The following GRM7 variants were observed in gnomAD, a reference collection of about 807,000 sequenced individuals.
The protein encoded by GRM7 is glutamate metabotropic receptor 7.
GRM7 carries 35 observed loss-of-function variants against 84.5 expected under a neutral mutation model. That is an observed-to-expected ratio of 0.41 (90% CI 0.32 to 0.55). GRM7 has a LOEUF of 0.55. GRM7 is among the 20% of genes least tolerant of loss of function. The probability of loss-of-function intolerance (pLI) is 0.19; values close to 1 mark genes in which losing one functional copy is unlikely to be tolerated. For missense variants in GRM7, 1,003 were observed against 1,194.6 expected, an observed-to-expected ratio of 0.84 and a Z score of 2.36; for synonymous variants, 487 against 455.1, an observed-to-expected ratio of 1.07 and a Z score of -0.89.
intron 1 of GRM7, among the ~76,000 whole-genome samples, chr3:6,944,576 C>G (rs1404702069): frequency 6.6e-6 from 1 of 151,960 alleles, no homozygotes; most frequent in Non-Finnish European, 1.5e-5. Flanking sequence ...ATTTGATTTC[C>G]TTAAATTTTG....
chr3:7,322,579 C>T (rs1281893122), intron 4 of GRM7, among the ~76,000 whole-genome samples: 1 of 151,728 alleles, frequency 6.6e-6, no homozygotes, highest in African/African-American at 2.4e-5. Flanking sequence ...ACCCCAGTCC[C>T]CAAAGTCCAT....
At chr3:7,632,389 C>T (rs1697896041) in intron 8 of GRM7, among the ~76,000 whole-genome samples, 1 of 151,998 alleles carries the variant, frequency 6.6e-6, no homozygotes. Context: ...CTTAGGGGAA[C>T]ACAAAAAGTA....
intron 4 of GRM7, among the ~76,000 whole-genome samples, chr3:7,310,755 A>G (rs572836201): frequency 6.6e-6 from 1 of 152,312 alleles, no homozygotes; most frequent in African/African-American, 2.4e-5. Context: ...AGCCCAAACT[A>G]CTTGAAAATA....
intron 1 of GRM7, among the ~76,000 whole-genome samples, chr3:7,077,569 T>A (rs1698133919): frequency 7.8e-5 from 2 of 25,520 alleles, no homozygotes; most frequent in Non-Finnish European, 1.4e-4. Context: ...CTGGGGCCTG[T>A]CGGGGGGTGG....
intron 1 of GRM7, among the ~76,000 whole-genome samples, chr3:7,042,583 T>C (rs1483868488): frequency 1.3e-5 from 2 of 152,272 alleles, no homozygotes; most frequent in East Asian, 3.9e-4. Flanking sequence ...AATGCACCAA[T>C]ATTCTCATCT....
intron 4 of GRM7, among the ~76,000 whole-genome samples, chr3:7,346,846 T>A (rs1418359021): frequency 6.6e-6 from 1 of 152,130 alleles, no homozygotes; most frequent in Non-Finnish European, 1.5e-5. Context: ...CTGAGTGAGC[T>A]CTGGCACCAA....
At chr3:7,570,453 C>A (rs1694592621) in intron 7 of GRM7, among the ~76,000 whole-genome samples, 1 of 152,132 alleles carries the variant, frequency 6.6e-6, no homozygotes, top group Admixed American at 6.5e-5. Context: ...AAAACGAGGG[C>A]CTCATGCAAG....
chr3:7,088,820 G>A lies in GRM7; in HGVS notation c.520-57632G>A, dbSNP rs115110465. Among the ~76,000 whole-genome samples the A allele has an allele frequency of 4.0e-3, 604 of 151,078 alleles. 2 individuals carry two copies. Among genetic ancestry groups the A allele is most frequent in the African/African-American group, 0.014 (568 of 40,830 alleles). Reference sequence around the variant, plus strand: ...ACTACTATGTGGAGGAACGCATAAAGCATGACACAGGAATTTGTAAGAAGA... The same window carrying A: ...ACTACTATGTGGAGGAACGCATAAAACATGACACAGGAATTTGTAAGAAGA... On this transcript the variant is annotated intron_variant, in intron 1 of 9. Transcript: ENST00000357716.
chr3:7,305,379 G>T (rs1435083567), intron 3 of GRM7, among the ~76,000 whole-genome samples: 4 of 40,622 alleles, frequency 9.8e-5, no homozygotes, highest in Admixed American at 2.1e-4. Context: ...TAAGTTTTAG[G>T]ATACATGTGC....
At chr3:7,344,471 A>G (rs780449271) in intron 4 of GRM7, among the ~76,000 whole-genome samples, 1 of 151,918 alleles carries the variant, frequency 6.6e-6, no homozygotes, top group Non-Finnish European at 1.5e-5. Context: ...TATGTACCAC[A>G]TTTTCTCTAT....
chr3:7,443,519 C>T (rs909287576), intron 5 of GRM7, among the ~76,000 whole-genome samples: 1 of 151,930 alleles, frequency 6.6e-6, no homozygotes, highest in Non-Finnish European at 1.5e-5. Flanking sequence ...TGTTTCCCTC[C>T]GTTCTTTTAC....
In GRM7 at chr3:7,741,423, A is replaced by AT. The variant is rs1382828178; in HGVS notation, c.*1020dup. ...CGTTAATCTTGCTGCTTATGTGCCA[A>AT]TTTAGTGGAAAAAAACAACCCTTGC... On this transcript the variant is annotated 3_prime_UTR_variant, in exon 10 of 10. Coordinates refer to ENST00000357716, the MANE Select transcript of GRM7 (RefSeq NM_000844.4). 6.6e-6 allele frequency: 1 copy of AT among 152,576 alleles called. No individual in the cohort carries two copies. The highest frequency in any genetic ancestry group is 1.5e-5 in the Non-Finnish European group (1 of 68,038). The allele number at this position is 152,576 out of a possible 1,614,324, so 9.5% of individuals were successfully genotyped here. A position where few individuals can be genotyped will look rare whatever the true frequency, so the allele number is the denominator to read the frequency against.
chr3:7,708,413 G>A (rs1158095942), intron 9 of GRM7, among the ~76,000 whole-genome samples: 1 of 152,090 alleles, frequency 6.6e-6, no homozygotes, highest in Non-Finnish European at 1.5e-5. Flanking sequence ...GAGTGCTGTA[G>A]GCACAAGAAG....
intron 2 of GRM7, among the ~76,000 whole-genome samples, chr3:7,193,950 A>G (rs1695799416): frequency 6.6e-6 from 1 of 152,102 alleles, no homozygotes; most frequent in Non-Finnish European, 1.5e-5. Flanking sequence ...GATTACTTCA[A>G]GATTAAAAAT....
chr3:7,679,367 A>C (rs960932460), intron 8 of GRM7, among the ~76,000 whole-genome samples: 1 of 152,166 alleles, frequency 6.6e-6, no homozygotes, highest in African/African-American at 2.4e-5. Flanking sequence ...GGCAAGCACA[A>C]ACCATCCAAA....
chr3:7,329,776 C>T (rs1486420071), intron 4 of GRM7, among the ~76,000 whole-genome samples: 1 of 151,944 alleles, frequency 6.6e-6, no homozygotes, highest in African/African-American at 2.4e-5. Context: ...GTTCATATAT[C>T]TGTGAGTGGG....
At chr3:7,223,983 A>G (rs1293344833) in intron 2 of GRM7, among the ~76,000 whole-genome samples, 1 of 152,204 alleles carries the variant, frequency 6.6e-6, no homozygotes, top group Non-Finnish European at 1.5e-5. Context: ...TTATCTGTTG[A>G]CTAAGGGATT....
chr3:7,439,485 C>G (rs1003718835), intron 5 of GRM7, among the ~76,000 whole-genome samples: 6 of 152,190 alleles, frequency 3.9e-5, no homozygotes, highest in Non-Finnish European at 7.3e-5. Context: ...CCTTTTGTCC[C>G]TGCCCATGCT....
chr3:7,680,704 A>T (rs1700331371), intron 9 of GRM7: 2 of 178,674 alleles, frequency 1.1e-5, no homozygotes, highest in Admixed American at 5.7e-5. Flanking sequence ...TGGAAGCGAA[A>T]CTTTTTTCCT....
Sources: gnomAD v4.1 joint callset for allele counts (sites outside exome capture counted in the v4.1 genomes callset) on GRCh38, gnomAD v4.1.1 for gene constraint, MANE v1.5 for transcripts, NCBI Gene and HGNC (gene_info 2026-07-23, HGNC 2026-07-21) for gene names.